AKAP13: variants seen among roughly 807,000 people sequenced by gnomAD.
AKAP13 encodes the protein A-kinase anchoring protein 13.
AKAP13 carries 80 observed loss-of-function variants against 264.5 expected under a neutral mutation model. The observed-to-expected ratio is 0.30, with a 90% CI of 0.25 to 0.36. The LOEUF (loss-of-function observed/expected upper bound fraction) is 0.36, where lower values mean the gene tolerates loss of function less well. Ranked by LOEUF, AKAP13 falls within the 10% of genes least tolerant of loss-of-function variation. AKAP13 has a pLI of 1.00. For synonymous variants in AKAP13, 1,380 were observed against 1,250.2 expected, an observed-to-expected ratio of 1.10 and a Z score of -2.19; for missense variants, 3,712 against 3,435.2, an observed-to-expected ratio of 1.08 and a Z score of -2.01.
intron 8 of AKAP13, among the ~76,000 whole-genome samples, chr15:85,603,771 A>G (rs142367400): frequency 2.5e-4 from 38 of 152,260 alleles, no homozygotes; most frequent in African/African-American, 8.9e-4. Flanking sequence ...TTCCTTCTTT[A>G]AAGCCCTTCC....
At chr15:85,721,448 C>T (rs945519168) in intron 23 of AKAP13, among the ~76,000 whole-genome samples, 6 of 152,110 alleles carry the variant, frequency 3.9e-5, no homozygotes, top group Non-Finnish European at 8.8e-5. Context: ...TGATTTAGTG[C>T]AAAGTGAACA....
At chr15:85,533,550 A>G (rs752414032) in intron 3 of AKAP13, 34 bp from the exon 4 acceptor site, 1 of 1,567,264 alleles carries the variant, frequency 6.4e-7, no homozygotes, top group Non-Finnish European at 8.7e-7. Flanking sequence ...TGAGGCTCTA[A>G]TACTGTTTTA....
At chr15:85,654,550 G>A (rs766875261) in intron 10 of AKAP13, among the ~76,000 whole-genome samples, 2 of 152,088 alleles carry the variant, frequency 1.3e-5, no homozygotes, top group African/African-American at 2.4e-5. Flanking sequence ...AAATGGGCTG[G>A]TCACGGTGGC....
chr15:85,694,258 C>T (rs572857318), intron 17 of AKAP13, among the ~76,000 whole-genome samples: 1 of 152,340 alleles, frequency 6.6e-6, no homozygotes, highest in South Asian at 2.1e-4. Context: ...TGCTGAAAGC[C>T]AAGTCTGCTA....
At chr15:85,524,291 C>A (rs1305799958) in intron 3 of AKAP13, among the ~76,000 whole-genome samples, 1 of 150,044 alleles carries the variant, frequency 6.7e-6, no homozygotes, top group African/African-American at 2.5e-5. Context: ...AGTTCTCCTG[C>A]CTCAGCCTCC....
At chr15:85,659,705 G>T (rs939108445) in intron 12 of AKAP13, among the ~76,000 whole-genome samples, 7 of 148,442 alleles carry the variant, frequency 4.7e-5, no homozygotes, top group African/African-American at 1.5e-4. Context: ...ACAGATTGCT[G>T]GATGCAGTCT....
intron 17 of AKAP13, chr15:85,702,376 G>A (rs2085977486): frequency 6.6e-6 from 1 of 152,182 alleles, no homozygotes; most frequent in East Asian, 1.9e-4. Flanking sequence ...GAAGCTGAAT[G>A]TTTGTATGTA....
chr15:85,555,222 C>T (rs961960085), intron 5 of AKAP13, among the ~76,000 whole-genome samples: 1 of 152,064 alleles, frequency 6.6e-6, no homozygotes, highest in South Asian at 2.1e-4. Flanking sequence ...CATTTAGCTT[C>T]TCCAGCTCCA....
chr15:85,485,670 A>G (rs1274988795), intron 1 of AKAP13, 40 bp from the exon 2 acceptor site: 2 of 1,594,724 alleles, frequency 1.3e-6, no homozygotes, highest in East Asian at 4.5e-5. Flanking sequence ...TTCGGTGACA[A>G]CTTTTAATTT....
intron 1 of AKAP13, among the ~76,000 whole-genome samples, chr15:85,434,034 G>A (rs1214527866): frequency 6.6e-6 from 1 of 152,030 alleles, no homozygotes; most frequent in African/African-American, 2.4e-5. Flanking sequence ...CGCAGAAGAC[G>A]GGTGATTTCT....
intron 3 of AKAP13, among the ~76,000 whole-genome samples, chr15:85,530,159 A>G (rs1295484925): frequency 1.3e-5 from 2 of 152,170 alleles, no homozygotes; most frequent in East Asian, 3.8e-4. Context: ...GTTGCCAAGC[A>G]CAACCCCCGC....
chr15:85,613,713 T>TATATATGTATGTATATATATA (rs1254657975), intron 8 of AKAP13, among the ~76,000 whole-genome samples: 1 of 111,026 alleles, frequency 9.0e-6, no homozygotes, highest in African/African-American at 3.4e-5. Context: ...TATATATATA[T>TATATATGTATGTATATATATA]TAGGAGTGCT....
chr15:85,410,389 G>A (rs928508633), intron 1 of AKAP13, among the ~76,000 whole-genome samples: 1 of 151,644 alleles, frequency 6.6e-6, no homozygotes, highest in Non-Finnish European at 1.5e-5. Context: ...TTCTGCTTCA[G>A]ATTTCTCTTA....
At chr15:85,729,111 C>T (rs945549556) in intron 29 of AKAP13, among the ~76,000 whole-genome samples, 15 of 152,002 alleles carry the variant, frequency 9.9e-5, no homozygotes, top group East Asian at 3.9e-4. Context: ...CCAGCCTGAC[C>T]AACATGGTGA....
chr15:85,593,585 A>G (rs905200836), intron 8 of AKAP13, among the ~76,000 whole-genome samples: 14 of 149,252 alleles, frequency 9.4e-5, no homozygotes, highest in African/African-American at 3.5e-4. Flanking sequence ...TTAACTAATC[A>G]CTTTTGTCTT....
rs767591228 is a variant in AKAP13, at chr15:85,533,733, C to G, written c.331C>G (p.Gln111Glu). The G allele has an allele frequency of 3.7e-6, 6 of 1,614,184 alleles. No homozygotes were observed. The East Asian group carries it at 1.3e-4, about 36-fold the overall frequency. Residue 111 changes from glutamine to glutamate, a missense_variant, in exon 4 of 37, where the codon CAG becomes GAG. Gln to Glu is a conservative substitution (Grantham distance 29). This residue lies in a region of AKAP13 where 2,759 missense variants were observed against 2,411.7 expected (regional missense o/e 1.14). Transcript: ENST00000394518. Reference protein sequence around the residue: ...QFLATSAGNQQALNFTRFLDQ... With the variant: ...QFLATSAGNQEALNFTRFLDQ... ...CCTAGCAACCAGTGCTGGAAATCAG[C>G]AGGCTTTGAACTTTACCCGTTTTCT...
intron 13 of AKAP13, among the ~76,000 whole-genome samples, chr15:85,666,480 A>G (rs1472930457): frequency 4.0e-5 from 6 of 151,442 alleles, no homozygotes; most frequent in African/African-American, 1.5e-4. Flanking sequence ...TCGCCTGTTC[A>G]CTCTGATGCC....
intron 1 of AKAP13, among the ~76,000 whole-genome samples, chr15:85,482,274 C>G (rs1248382072): frequency 6.6e-6 from 1 of 152,132 alleles, no homozygotes; most frequent in Non-Finnish European, 1.5e-5. Flanking sequence ...CCCTCAGCAC[C>G]ATGTTTTAAA....
intron 19 of AKAP13, 41 bp downstream of exon 19, chr15:85,710,686 T>C (rs943442427): frequency 6.3e-7 from 1 of 1,592,470 alleles, no homozygotes; most frequent in Non-Finnish European, 8.6e-7. Context: ...TTTCTGACTT[T>C]CTGGTTCTGA....
Sources: gnomAD v4.1 joint callset for allele counts (sites outside exome capture counted in the v4.1 genomes callset) on GRCh38, gnomAD v4.1.1 for gene constraint, gnomAD v4.1.1 regional missense constraint, MANE v1.5 for transcripts, NCBI Gene and HGNC (gene_info 2026-07-23, HGNC 2026-07-21) for gene names.